PRDM16: variants seen among roughly 807,000 people sequenced by gnomAD.
PRDM16 encodes PR/SET domain 16, also known as histone-lysine N-methyltransferase PRDM16.
In PRDM16, 23 loss-of-function variants were observed where a neutral mutation model predicts 110.6. The ratio of observed to expected loss-of-function variants is 0.21; its 90% CI spans 0.15 to 0.29. The LOEUF is 0.29. Ranked by LOEUF, PRDM16 falls within the 10% of genes least tolerant of loss-of-function variation. The probability of loss-of-function intolerance (pLI) is 1.00; values close to 1 mark genes in which losing one functional copy is unlikely to be tolerated. For missense variants in PRDM16, 1,615 were observed against 1,794.3 expected (o/e 0.90, Z 1.81); for synonymous variants, 799 against 781.8 (o/e 1.02, Z -0.37).
chr1:3,153,938 C>T (rs1359522897), intron 1 of PRDM16, among the ~76,000 whole-genome samples: 1 of 152,224 alleles, frequency 6.6e-6, no homozygotes, highest in Non-Finnish European at 1.5e-5. Flanking sequence ...CACATGTTAC[C>T]AGGGAGGCTT....
intron 4 of PRDM16, among the ~76,000 whole-genome samples, chr1:3,394,982 C>A (rs2100626884): frequency 6.6e-6 from 1 of 152,304 alleles, no homozygotes; most frequent in Non-Finnish European, 1.5e-5. Context: ...CCTGACGCCC[C>A]ATAAGGGAAC....
chr1:3,373,409 TC>T lies in PRDM16; in HGVS notation c.439-11741del, dbSNP rs528721338. Among the ~76,000 whole-genome samples, 830 of 152,212 alleles carry T rather than the reference TC, an allele frequency of 5.5e-3. 7 individuals are homozygous for T. The highest frequency in any genetic ancestry group is 0.019 in the African/African-American group (800 of 41,524). On this transcript the variant is annotated intron_variant, in intron 3 of 16. Transcript: ENST00000270722. ...AGACACTGTGGAGACTCCAGACACC[TC>T]CTCGGGGAGCCAGGGGGTTCGGGGG...
chr1:3,276,677 G>A (rs78582198), intron 3 of PRDM16, among the ~76,000 whole-genome samples: 41 of 98,846 alleles, frequency 4.1e-4, no homozygotes, highest in Admixed American at 2.5e-3. Flanking sequence ...TCGAGGTGCC[G>A]TGAACAGAGC....
chr1:3,166,944 A>C (rs1047344323), intron 1 of PRDM16, among the ~76,000 whole-genome samples: 3 of 152,216 alleles, frequency 2.0e-5, no homozygotes, highest in South Asian at 4.1e-4. Context: ...TACAAGGCCC[A>C]GAGACCTCAA....
At chr1:3,187,985 G>A (rs1474508596) in intron 2 of PRDM16, among the ~76,000 whole-genome samples, 2 of 152,202 alleles carry the variant, frequency 1.3e-5, no homozygotes, top group African/African-American at 4.8e-5. Flanking sequence ...GCCCAAGGTC[G>A]GGTCACCTTC....
chr1:3,074,223 G>T (rs965056523), intron 1 of PRDM16, among the ~76,000 whole-genome samples: 6 of 152,326 alleles, frequency 3.9e-5, no homozygotes, highest in African/African-American at 1.4e-4. Context: ...CAGAGTGCAG[G>T]CGAGCAGGCA....
rs1432027794 is a variant in PRDM16, at chr1:3,190,482, G to A, written c.387+4008G>A. 3.9e-5 allele frequency among the ~76,000 whole-genome samples: 6 copies of A among 152,108 alleles called. No homozygotes were observed. The highest frequency in any genetic ancestry group is 7.4e-5 in the Non-Finnish European group (5 of 68,022). On this transcript the variant is annotated intron_variant, in intron 2 of 16. Coordinates refer to ENST00000270722, the MANE Select transcript of PRDM16 (RefSeq NM_022114.4). This position sits in a 1 kb window ranked among gnomAD's most constrained non-coding sequence, Gnocchi z 5.0. ...TTAGGAATAGTCGCTGACTAAACCC[G>A]CTTTGTTCCTGGGTGCTGCGAGGCA...
At chr1:3,181,068 AC>A (rs1398818968) in intron 1 of PRDM16, among the ~76,000 whole-genome samples, 1 of 147,270 alleles carries the variant, frequency 6.8e-6, no homozygotes, top group African/African-American at 2.5e-5. Flanking sequence ...GCGGTCTTAC[AC>A]ACCCGGTCTT....
intron 2 of PRDM16, among the ~76,000 whole-genome samples, chr1:3,200,826 G>A (rs1200108757): frequency 6.6e-6 from 1 of 152,136 alleles, no homozygotes; most frequent in East Asian, 1.9e-4. Context: ...CCTCCACCCC[G>A]ATGATGCTGC....
intron 3 of PRDM16, 135 bp from the exon 4 acceptor site, chr1:3,385,017 G>T: frequency 9.4e-7 from 1 of 1,063,968 alleles, no homozygotes; most frequent in East Asian, 2.4e-5. Flanking sequence ...ATGCCCGGAG[G>T]GTGGGCTGAG....
At chr1:3,270,458 C>T (rs1328699935) in intron 3 of PRDM16, among the ~76,000 whole-genome samples, 1 of 146,284 alleles carries the variant, frequency 6.8e-6, no homozygotes. Flanking sequence ...AGAAGGAGGA[C>T]AGTCGGCGAG....
At chr1:3,253,969 G>A (rs1348048730) in intron 3 of PRDM16, among the ~76,000 whole-genome samples, 6 of 152,136 alleles carry the variant, frequency 3.9e-5, no homozygotes, top group East Asian at 1.9e-4. Context: ...GTGATGGTGC[G>A]CATTTTTTCA....
intron 3 of PRDM16, among the ~76,000 whole-genome samples, chr1:3,374,055 C>T (rs542235546): frequency 3.3e-5 from 5 of 152,344 alleles, no homozygotes; most frequent in Admixed American, 1.3e-4. Flanking sequence ...ATGGAGGTCC[C>T]CATACCCTCC....
At chr1:3,400,960 C>G (rs987157836) in intron 5 of PRDM16, among the ~76,000 whole-genome samples, 6 of 152,144 alleles carry the variant, frequency 3.9e-5, no homozygotes, top group African/African-American at 1.4e-4. Flanking sequence ...GCATCTGTAC[C>G]TTGGTTGGCA....
intron 3 of PRDM16, among the ~76,000 whole-genome samples, chr1:3,345,747 C>A (rs991322045): frequency 6.6e-6 from 1 of 151,116 alleles, no homozygotes; most frequent in Non-Finnish European, 1.5e-5. Context: ...CCTCTGTGGT[C>A]CAGGCCACCC....
intron 3 of PRDM16, among the ~76,000 whole-genome samples, chr1:3,280,222 G>A (rs938608300): frequency 6.6e-6 from 1 of 152,316 alleles, no homozygotes; most frequent in South Asian, 2.1e-4. Context: ...TGTTGAAGCC[G>A]ACTCTGTGTG....
chr1:3,271,069 C>A (rs1437595133), intron 3 of PRDM16, among the ~76,000 whole-genome samples: 1 of 152,204 alleles, frequency 6.6e-6, no homozygotes, highest in Non-Finnish European at 1.5e-5. Flanking sequence ...TGTGGCCGGC[C>A]TGCCTGCCCC....
intron 1 of PRDM16, among the ~76,000 whole-genome samples, chr1:3,072,192 T>C (rs978378299): frequency 1.3e-5 from 2 of 152,126 alleles, no homozygotes; most frequent in Non-Finnish European, 2.9e-5. Context: ...GCCCCACATT[T>C]ACAAACTCAA....
chr1:3,370,984 CCCA>C lies in PRDM16; in HGVS notation c.439-14165_439-14163del. On this transcript the variant is annotated intron_variant, in intron 3 of 16. Transcript: ENST00000270722. The surrounding 1 kb of genome is among the most constrained non-coding windows in gnomAD (Gnocchi z 4.8). ...ATCGATTCATCCATTTGTCCATCCACCCACCGATCCACCATCTATTCATCCATC... is the reference window on the plus strand; with the variant it reads ...ATCGATTCATCCATTTGTCCATCCACCCGATCCACCATCTATTCATCCATC... 6.7e-6 allele frequency among the ~76,000 whole-genome samples: 1 copy of C among 149,314 alleles called. No homozygotes were observed. Among genetic ancestry groups the C allele is most frequent in the South Asian group, 2.2e-4 (1 of 4,650 alleles).
Sources: allele counts gnomAD v4.1 joint callset (sites outside exome capture counted in the v4.1 genomes callset), GRCh38; gene constraint gnomAD v4.1.1; non-coding constraint Gnocchi (gnomAD v3.1); transcripts MANE v1.5; gene names NCBI Gene and HGNC (gene_info 2026-07-23, HGNC 2026-07-21).